The following ZNF43 variants were observed in gnomAD, a reference collection of about 807,000 sequenced individuals.
ZNF43 encodes the protein zinc finger protein 39-like 1 (KOX 27).
A neutral mutation model predicts 68.4 loss-of-function variants in ZNF43; 44 were observed. That is an observed-to-expected ratio of 0.64 (90% confidence interval 0.51 to 0.83). ZNF43 has a LOEUF of 0.83. ZNF43 is among the 40% of genes least tolerant of loss of function. ZNF43 has a pLI of 0.00. For synonymous variants in ZNF43, 308 were observed against 307.8 expected, an observed-to-expected ratio of 1.00 and a Z score of -0.01; for missense variants, 896 against 933.2, an observed-to-expected ratio of 0.96 and a Z score of 0.52.
intron 3 of ZNF43, among the ~76,000 whole-genome samples, chr19:21,812,748 C>T (rs549078979): frequency 2.0e-5 from 3 of 152,046 alleles, no homozygotes; most frequent in South Asian, 2.1e-4. Flanking sequence ...GTCAGAAGTT[C>T]GAGATCAGCC....
chr19:21,809,331 C>T lies in ZNF43; in HGVS notation c.706G>A (p.Gly236Ser), dbSNP rs1486450272. Reference sequence around the variant, plus strand: ...CGTGAGGACCAATTAAAGACTTTGCCACATTCTTCACATGTGTAGGGTTTC... The same window carrying T: ...CGTGAGGACCAATTAAAGACTTTGCTACATTCTTCACATGTGTAGGGTTTC... Reference protein sequence around the residue: ...GEKPYTCEECGKVFNWSSRLT... With the variant: ...GEKPYTCEECSKVFNWSSRLT... The change falls in exon 4 of 4, where the codon GGC becomes AGC. Residue 236 changes from glycine (G) to serine (S), a missense_variant. Gly to Ser is a moderately conservative substitution (Grantham distance 56). Coordinates refer to ENST00000354959, the MANE Select transcript of ZNF43 (RefSeq NM_003423.4). The T allele has an allele frequency of 2.5e-6, 4 of 1,613,566 alleles. No homozygotes were observed. In the African/African-American group the frequency reaches 5.3e-5, roughly 22 times the overall value.
chr19:21,830,518 T>C (rs930764927), intron 1 of ZNF43, among the ~76,000 whole-genome samples: 1 of 136,526 alleles, frequency 7.3e-6, no homozygotes, highest in Non-Finnish European at 1.6e-5. Flanking sequence ...AAATCTAGAA[T>C]AGATCAATTC....
In ZNF43 at chr19:21,809,776, C is replaced by T. The variant is rs138529640; in HGVS notation, c.261G>A (p.Trp87Ter). The stretch of plus-strand genomic sequence containing the variant: ...AAGGATCTTTTATATGCTGCTCTGG[C>T]CAAAAGTCTTGGGTAAAATGAGAAC... ...VMCSHFTQDFWPEQHIKDPFQ... is the reference protein window; with the variant it reads ...VMCSHFTQDF The change falls in exon 4 of 4, where the codon TGG (tryptophan) becomes TGA (stop). Residue 87 changes from tryptophan (W) to a stop codon, truncating the protein, a stop_gained. Coordinates refer to ENST00000354959, the MANE Select transcript of ZNF43 (RefSeq NM_003423.4). LOFTEE classifies it high-confidence loss of function. 6.4e-7 allele frequency: 1 copy of T among 1,573,550 alleles called. No individual in the cohort carries two copies. The highest frequency in any genetic ancestry group is 2.2e-5 in the East Asian group (1 of 44,580).
Position 21,836,032 on chromosome 19 carries a change from T to C in ZNF43, c.3+4A>G, listed in dbSNP as rs776537361. 2.5e-6 allele frequency: 4 copies of C among 1,613,902 alleles called. No individual in the cohort carries two copies. Among genetic ancestry groups the C allele is most frequent in the Non-Finnish European group, 3.4e-6 (4 of 1,179,844 alleles). On this transcript the variant is annotated splice_donor_region_variant and intron_variant, in intron 1 of 3. Transcript: ENST00000354959. ...CTCTCGGGATGTCGGACCGGCACTCTCACCATTTCTAGGCTTCCGGGGGGT... is the reference window on the plus strand; with the variant it reads ...CTCTCGGGATGTCGGACCGGCACTCCCACCATTTCTAGGCTTCCGGGGGGT...
At chr19:21,851,866 T>C (rs1314504299) in intron 1 of ZNF43, 1 of 1,551,214 alleles carries the variant, frequency 6.4e-7, no homozygotes, top group Non-Finnish European at 8.7e-7. Flanking sequence ...TTTCACAGCC[T>C]GCTCTCCCCT....
intron 3 of ZNF43, among the ~76,000 whole-genome samples, chr19:21,810,650 T>C (rs1279591340): frequency 6.6e-6 from 1 of 152,198 alleles, no homozygotes; most frequent in Non-Finnish European, 1.5e-5. Context: ...CCAAGTCTTA[T>C]TAAATTTAAG....
intron 1 of ZNF43, among the ~76,000 whole-genome samples, chr19:21,826,076 G>T (rs114427176): frequency 6.6e-6 from 1 of 151,868 alleles, no homozygotes; most frequent in African/African-American, 2.4e-5. Flanking sequence ...TAAATGAAGA[G>T]GTAAATGGTT....
At chr19:21,818,593 G>C (rs2145215425) in intron 2 of ZNF43, among the ~76,000 whole-genome samples, 1 of 151,794 alleles carries the variant, frequency 6.6e-6, no homozygotes, top group East Asian at 1.9e-4. Flanking sequence ...GCTAATTTTT[G>C]CATTTTTAGT....
chr19:21,830,728 T>C (rs541149961), intron 1 of ZNF43, among the ~76,000 whole-genome samples: 87 of 147,476 alleles, frequency 5.9e-4, no homozygotes, highest in Non-Finnish European at 1.0e-3. Context: ...TTCCAAAAAA[T>C]TGAGAAGGAA....
At chr19:21,835,799 G>C (rs1190668271) in intron 1 of ZNF43, among the ~76,000 whole-genome samples, 3 of 152,232 alleles carry the variant, frequency 2.0e-5, no homozygotes, top group African/African-American at 2.4e-5. Context: ...GAGACGCCGC[G>C]TTGCGGCTGC....
intron 1 of ZNF43, chr19:21,851,877 CTCGG>C (rs1968400173): frequency 1.5e-5 from 24 of 1,563,114 alleles, no homozygotes; most frequent in Non-Finnish European, 1.6e-5. Context: ...GCTCTCCCCT[CTCGG>C]GATGCCTAAC....
chr19:21,815,508 T>TATATATATATATATA (rs1568355553), intron 3 of ZNF43, among the ~76,000 whole-genome samples: 1 of 148,890 alleles, frequency 6.7e-6, no homozygotes, highest in African/African-American at 2.5e-5. Context: ...TATATATATA[T>TATATATATATATATA]TTTGCAGAAT....
chr19:21,835,057 C>A (rs2145343658), intron 1 of ZNF43, among the ~76,000 whole-genome samples: 1 of 149,246 alleles, frequency 6.7e-6, no homozygotes, highest in East Asian at 2.0e-4. Context: ...GACCACCTGG[C>A]CAATATAGTG....
At chr19:21,835,347 CTAGTT>C (rs2038658715) in intron 1 of ZNF43, among the ~76,000 whole-genome samples, 1 of 143,604 alleles carries the variant, frequency 7.0e-6, no homozygotes, top group African/African-American at 2.6e-5. Context: ...AAAGGAAAAT[CTAGTT>C]TAGTTTTTTT....
chr19:21,844,946 A>ATATG (rs1967846415), intron 1 of ZNF43, among the ~76,000 whole-genome samples: 1 of 135,272 alleles, frequency 7.4e-6, no homozygotes, highest in African/African-American at 2.9e-5. Context: ...ATATATATAT[A>ATATG]TGTTACAATG....
At chr19:21,810,257 G>T (rs1017244661) in intron 3 of ZNF43, among the ~76,000 whole-genome samples, 5 of 152,182 alleles carry the variant, frequency 3.3e-5, no homozygotes, top group African/African-American at 4.8e-5. Context: ...TCTGGTGAGG[G>T]TCTCAGGAAG....
At chr19:21,830,908 T>C (rs1436549228) in intron 1 of ZNF43, among the ~76,000 whole-genome samples, 1 of 152,162 alleles carries the variant, frequency 6.6e-6, no homozygotes, top group East Asian at 1.9e-4. Context: ...TCTACTATGA[T>C]CAAGTAGCCT....
At chr19:21,816,615 T>C (rs1215493250) in intron 3 of ZNF43, among the ~76,000 whole-genome samples, 2 of 152,134 alleles carry the variant, frequency 1.3e-5, no homozygotes, top group Non-Finnish European at 2.9e-5. Context: ...TGGTTTATAG[T>C]GATGCAGGCC....
intron 1 of ZNF43, among the ~76,000 whole-genome samples, chr19:21,848,565 T>A (rs2145429394): frequency 6.6e-6 from 1 of 152,272 alleles, no homozygotes; most frequent in Middle Eastern, 3.4e-3. Context: ...ATACCCAAAA[T>A]TTGTGAGGTC....
Sources: gnomAD v4.1 joint callset for allele counts (sites outside exome capture counted in the v4.1 genomes callset) on GRCh38, gnomAD v4.1.1 for gene constraint, MANE v1.5 for transcripts, NCBI Gene and HGNC (gene_info 2026-07-23, HGNC 2026-07-21) for gene names.